HIP1: variants seen among roughly 807,000 people sequenced by gnomAD.
HIP1 encodes huntingtin interacting protein 1.
HIP1 carries 65 observed loss-of-function variants against 147.6 expected under a neutral mutation model. That is an observed-to-expected ratio of 0.44 (90% CI 0.36 to 0.54). HIP1 has a LOEUF of 0.54. HIP1 is among the 20% of genes least tolerant of loss of function. The pLI is 0.00. For synonymous variants in HIP1, 479 were observed against 504.0 expected, an observed-to-expected ratio of 0.95 and a Z score of 0.67; for missense variants, 1,061 against 1,299.6, an observed-to-expected ratio of 0.82 and a Z score of 2.82.
chr7:75,677,161 CT>C (rs1799921604), intron 1 of HIP1, among the ~76,000 whole-genome samples: 1 of 151,656 alleles, frequency 6.6e-6, no homozygotes, highest in Non-Finnish European at 1.5e-5. Context: ...TGCCATTGCA[CT>C]CCAGTCTGGG....
intron 1 of HIP1, among the ~76,000 whole-genome samples, chr7:75,705,601 C>T (rs782806476): frequency 1.3e-5 from 2 of 151,882 alleles, no homozygotes; most frequent in Admixed American, 6.6e-5. Flanking sequence ...ATGATCTGCC[C>T]GCCTCAGCCT....
At position 75,592,372 on chromosome 7, in the gene HIP1, G is replaced by A. The variant is rs782756151; in HGVS notation, c.327C>T (p.Asn109=). ...CCACCCCATAGCCCCAGGAACTCAC[G>A]TTCGGGTGTCCATCTCGGAGGAGTT... ...FHKLLRDGHP[N]VLKDSLRYRN... is the part of the protein sequence containing the mutation. Residue 109 remains asparagine (N), a splice_region_variant and synonymous_variant, in exon 3 of 31, where the codon AAC becomes AAT. Transcript: ENST00000336926. 14 of 1,604,376 alleles carry A rather than the reference G, an allele frequency of 8.7e-6. No homozygotes were observed. In the Middle Eastern group the frequency reaches 5.0e-4, roughly 57 times the overall value.
At chr7:75,654,142 C>G (rs1554512331) in intron 1 of HIP1, among the ~76,000 whole-genome samples, 1 of 152,156 alleles carries the variant, frequency 6.6e-6, no homozygotes, top group African/African-American at 2.4e-5. Context: ...CACCTGTAAT[C>G]CCAGCACTGT....
In HIP1 at chr7:75,725,891, C is replaced by T. The variant is rs1305408357; in HGVS notation, c.120+12910G>A. On this transcript the variant is annotated intron_variant, in intron 1 of 30. Coordinates refer to ENST00000336926, the MANE Select transcript of HIP1 (RefSeq NM_005338.7). ...AGGCTGGAGTGCAGTGGCACAATCT[C>T]GGCTCACTGCGTCTCCATCTCCCGG... Among the ~76,000 whole-genome samples, 3 of 147,924 alleles carry T rather than the reference C, an allele frequency of 2.0e-5. No individual in the cohort carries two copies. In the Admixed American group the frequency reaches 2.1e-4, roughly 10 times the overall value.
Position 75,678,635 on chromosome 7 carries a change from C to T in HIP1, c.120+60166G>A, listed in dbSNP as rs545642322. Among the ~76,000 whole-genome samples, 21 of 152,254 alleles carry T rather than the reference C, an allele frequency of 1.4e-4. No individual in the cohort carries two copies. In the East Asian group the frequency reaches 2.7e-3, roughly 20 times the overall value. On this transcript the variant is annotated intron_variant, in intron 1 of 30. Coordinates refer to ENST00000336926, the MANE Select transcript of HIP1 (RefSeq NM_005338.7). The stretch of plus-strand genomic sequence containing the variant: ...CTGGGATTACAGGTGTGAGCCACTG[C>T]GTCTGGCCTCCTTTATTGTTAAGAA...
chr7:75,716,466 G>A (rs782533355), intron 1 of HIP1, among the ~76,000 whole-genome samples: 5 of 148,872 alleles, frequency 3.4e-5, no homozygotes, highest in African/African-American at 5.0e-5. Context: ...CAGACAATCC[G>A]CCGCCTCAGC....
chr7:75,544,680 C>A lies in HIP1; in HGVS notation c.2766+15G>T. On this transcript the variant is annotated intron_variant, in intron 27 of 30. Transcript: ENST00000336926. Reference sequence around the variant, plus strand: ...CAGGCCTTCCAGCGTCCTAGGAGGTCCAGCCAGGTCCTACCTTGGATGCAG... The same window carrying A: ...CAGGCCTTCCAGCGTCCTAGGAGGTACAGCCAGGTCCTACCTTGGATGCAG... 1 of 1,542,736 alleles carries A rather than the reference C, an allele frequency of 6.5e-7. No individual in the cohort carries two copies. Among genetic ancestry groups the A allele is most frequent in the South Asian group, 1.1e-5 (1 of 89,644 alleles).
At chr7:75,722,982 G>GC (rs1249757976) in intron 1 of HIP1, among the ~76,000 whole-genome samples, 1 of 152,132 alleles carries the variant, frequency 6.6e-6, no homozygotes, top group Non-Finnish European at 1.5e-5. Context: ...TGAAAGGGTG[G>GC]CCTGTCTGTC....
At chr7:75,701,811 C>A (rs1800840610) in intron 1 of HIP1, among the ~76,000 whole-genome samples, 1 of 152,106 alleles carries the variant, frequency 6.6e-6, no homozygotes, top group African/African-American at 2.4e-5. Context: ...TATGATCACA[C>A]CACTGCACTC....
At position 75,568,382 on chromosome 7, in the gene HIP1, G is replaced by C. The variant is rs1035477495; in HGVS notation, c.746-126C>G. 21 of 729,236 alleles carry C rather than the reference G, an allele frequency of 2.9e-5. No homozygotes were observed. The East Asian group carries it at 4.8e-4, about 17-fold the overall frequency. 45.2% of individuals were successfully genotyped at this position (729,236 alleles called of 1,614,324 possible). A position where few individuals can be genotyped will look rare whatever the true frequency, so the allele number is the denominator to read the frequency against. ...TGTGGCCAGCACTGCCAGGGGCCAC[G>C]ACTGGCCTAGAGCTGTCCCGAGGTC... On this transcript the variant is annotated intron_variant, in intron 8 of 30. Coordinates refer to ENST00000336926, the MANE Select transcript of HIP1 (RefSeq NM_005338.7). The surrounding 1 kb of genome is among the most constrained non-coding windows in gnomAD (Gnocchi z 4.1).
At chr7:75,595,790 T>C (rs1029201711) in intron 2 of HIP1, among the ~76,000 whole-genome samples, 1 of 152,080 alleles carries the variant, frequency 6.6e-6, no homozygotes, top group African/African-American at 2.4e-5. Flanking sequence ...AAAATAAGAC[T>C]CAGTCCCCAG....
intron 1 of HIP1, among the ~76,000 whole-genome samples, chr7:75,663,491 G>A (rs1563277594): frequency 6.6e-6 from 1 of 151,904 alleles, no homozygotes; most frequent in South Asian, 2.1e-4. Flanking sequence ...TACAGCAGGC[G>A]AGGCGGACTG....
intron 1 of HIP1, among the ~76,000 whole-genome samples, chr7:75,647,772 G>C (rs986302875): frequency 9.2e-5 from 14 of 152,224 alleles, no homozygotes; most frequent in African/African-American, 3.1e-4. Flanking sequence ...CATTTAGGGA[G>C]GCACCATGCA....
intron 13 of HIP1, 70 bp downstream of exon 13, chr7:75,561,259 G>T: frequency 9.0e-7 from 1 of 1,111,720 alleles, no homozygotes; most frequent in South Asian, 1.2e-5. Context: ...TGGCTAGTGT[G>T]ATGCAAATTT....
chr7:75,651,433 T>TG (rs1188588848), intron 1 of HIP1, among the ~76,000 whole-genome samples: 1 of 118,550 alleles, frequency 8.4e-6, no homozygotes, highest in Non-Finnish European at 1.6e-5. Context: ...CATTCCAGCC[T>TG]GGGTTACAGA....
At chr7:75,610,194 C>A (rs1359399622) in intron 1 of HIP1, among the ~76,000 whole-genome samples, 2 of 146,584 alleles carry the variant, frequency 1.4e-5, no homozygotes, top group Non-Finnish European at 3.0e-5. Flanking sequence ...TGAGCCACCT[C>A]ATCCAGCCCT....
At chr7:75,725,984 T>C (rs1554522310) in intron 1 of HIP1, among the ~76,000 whole-genome samples, 15 of 150,960 alleles carry the variant, frequency 9.9e-5, no homozygotes. Context: ...CCATGCCCAG[T>C]TTTTGTTTGT....
At chr7:75,625,001 T>C (rs1797988205) in intron 1 of HIP1, 1 of 151,786 alleles carries the variant, frequency 6.6e-6, no homozygotes, top group South Asian at 2.1e-4. Context: ...TGGTGTGATC[T>C]TGGCTCACTG....
chr7:75,570,518 C>G (rs781953052), intron 8 of HIP1, among the ~76,000 whole-genome samples: 1 of 150,774 alleles, frequency 6.6e-6, no homozygotes, highest in Admixed American at 6.7e-5. Context: ...GTCTCGATCT[C>G]CTGACCTCAT....
Sources: allele counts gnomAD v4.1 joint callset (sites outside exome capture counted in the v4.1 genomes callset), GRCh38; gene constraint gnomAD v4.1.1; non-coding constraint Gnocchi (gnomAD v3.1); transcripts MANE v1.5; gene names NCBI Gene and HGNC (gene_info 2026-07-23, HGNC 2026-07-21).